HIF3A: variants seen among roughly 807,000 people sequenced by gnomAD.
HIF3A encodes the protein hypoxia-inducible factor 3-alpha.
A neutral mutation model predicts 67.2 loss-of-function variants in HIF3A; 41 were observed. The ratio of observed to expected loss-of-function variants is 0.61; its 90% CI spans 0.48 to 0.79. HIF3A has a LOEUF of 0.79. Among genes scored for constraint, HIF3A ranks in the 30% least tolerant of loss-of-function variants. The pLI is 0.00. For missense variants in HIF3A, 855 were observed against 898.0 expected (o/e 0.95, Z 0.61); for synonymous variants, 356 against 374.8 (o/e 0.95, Z 0.58).
chr19:46,310,118 G>A (rs781231070), intron 6 of HIF3A, among the ~76,000 whole-genome samples: 11 of 152,152 alleles, frequency 7.2e-5, no homozygotes, highest in Non-Finnish European at 1.3e-4. Context: ...CCAGCTACTC[G>A]AGAGGCTGAG....
At chr19:46,321,303 G>T (rs1240595824) in intron 9 of HIF3A, among the ~76,000 whole-genome samples, 10 of 152,302 alleles carry the variant, frequency 6.6e-5, no homozygotes, top group South Asian at 2.1e-4. Flanking sequence ...TCACACCTGG[G>T]CTGGGAGCAG....
chr19:46,316,299 G>A (rs1969909074), intron 8 of HIF3A, among the ~76,000 whole-genome samples: 1 of 152,204 alleles, frequency 6.6e-6, no homozygotes, highest in Non-Finnish European at 1.5e-5. Context: ...ATTCCCATCA[G>A]TAACGTATGG....
intron 11 of HIF3A, among the ~76,000 whole-genome samples, chr19:46,325,878 G>A (rs914126607): frequency 2.0e-5 from 3 of 152,184 alleles, no homozygotes; most frequent in African/African-American, 7.2e-5. Context: ...ATAGCTGGAT[G>A]AAAAATGGAT....
rs1389768023 is a variant in HIF3A at position 46,342,333 on chromosome 19, A to G, written c.*2711A>G. On this transcript the variant is annotated 3_prime_UTR_variant, in exon 15 of 15. Coordinates refer to ENST00000377670, the MANE Select transcript of HIF3A (RefSeq NM_152795.4). ...CACCCTCAACTCCTTCTGATTCTAGATCTTATGGTTCCCAAATCTCTCTGG... is the reference window on the plus strand; with the variant it reads ...CACCCTCAACTCCTTCTGATTCTAGGTCTTATGGTTCCCAAATCTCTCTGG... 1.3e-5 allele frequency: 2 copies of G among 151,698 alleles called. No individual in the cohort carries two copies. The highest frequency in any genetic ancestry group is 4.8e-5 in the African/African-American group (2 of 41,260). The allele number at this position is 151,698 out of a possible 1,614,324, so 9.4% of individuals were successfully genotyped here.
intron 11 of HIF3A, among the ~76,000 whole-genome samples, chr19:46,326,750 C>T (rs1400267162): frequency 6.6e-6 from 1 of 152,122 alleles, no homozygotes; most frequent in Non-Finnish European, 1.5e-5. Flanking sequence ...CAGGAATAGA[C>T]ACTACTATTC....
intron 6 of HIF3A, chr19:46,310,523 G>A (rs920963747): frequency 1.0e-4 from 45 of 437,028 alleles, no homozygotes; most frequent in Admixed American, 5.9e-4. Flanking sequence ...CTTATCCCTC[G>A]CCCTGGTGTC....
rs1296126607 is a variant in HIF3A, at chr19:46,309,274, C to G, written c.685C>G (p.Pro229Ala). The G allele has an allele frequency of 6.2e-7, 1 of 1,613,826 alleles. No individual in the cohort carries two copies. Among genetic ancestry groups the G allele is most frequent in the Admixed American group, 1.7e-5 (1 of 59,988 alleles). The change falls in exon 6 of 15, where the codon CCA becomes GCA. Residue 229 changes from proline (P) to alanine (A), a missense_variant. This residue lies in a region of HIF3A where 638 missense variants were observed against 660.5 expected (regional missense o/e 0.97). Transcript: ENST00000377670. ...LVLICEAIPH[P>A]GSLEPPLGRG... The stretch of plus-strand genomic sequence containing the variant: ...GCTCATCTGCGAAGCCATCCCCCAC[C>G]CAGGCAGCCTGGAGCCCCCACTGGG...
intron 1 of HIF3A, among the ~76,000 whole-genome samples, chr19:46,299,666 G>A (rs902162406): frequency 7.0e-6 from 1 of 143,596 alleles, no homozygotes; most frequent in Non-Finnish European, 1.5e-5. Flanking sequence ...GCCAAGATCA[G>A]GCCACTGCAC....
At chr19:46,336,899 A>C (rs1178670385) in intron 14 of HIF3A, among the ~76,000 whole-genome samples, 1 of 152,188 alleles carries the variant, frequency 6.6e-6, no homozygotes, top group Admixed American at 6.5e-5. Flanking sequence ...AGACAGGAGA[A>C]TCACTTGAGC....
chr19:46,328,847 A>C (rs894164831), intron 11 of HIF3A, among the ~76,000 whole-genome samples: 1 of 152,070 alleles, frequency 6.6e-6, no homozygotes, highest in Non-Finnish European at 1.5e-5. Flanking sequence ...CAGCCTCCTG[A>C]GTAATTAGAA....
chr19:46,324,947 T>C (rs1174840811), intron 10 of HIF3A, among the ~76,000 whole-genome samples: 3 of 141,850 alleles, frequency 2.1e-5, no homozygotes, highest in Middle Eastern at 3.4e-3. Context: ...TATATACATA[T>C]ATATATATAT....
At chr19:46,303,488 C>CCT (rs1968512351) in intron 1 of HIF3A, 1 of 728,476 alleles carries the variant, frequency 1.4e-6, no homozygotes, top group African/African-American at 1.8e-5. Flanking sequence ...AGGCTGTAGG[C>CCT]CTCTCCTTCG....
chr19:46,334,874 T>C (rs560962430), intron 13 of HIF3A, 31 bp from the exon 14 acceptor site: 2 of 1,561,774 alleles, frequency 1.3e-6, no homozygotes, highest in South Asian at 2.3e-5. Context: ...ATGATGATGA[T>C]GATGGTGGTG....
At chr19:46,322,363 T>C (rs998452563) in intron 10 of HIF3A, among the ~76,000 whole-genome samples, 1 of 152,098 alleles carries the variant, frequency 6.6e-6, no homozygotes, top group Non-Finnish European at 1.5e-5. Context: ...ATTTCACAGG[T>C]TGGGCCTCAG....
In HIF3A at chr19:46,339,927, T is replaced by G. The variant is rs1030086953; in HGVS notation, c.*305T>G. The G allele has an allele frequency of 6.5e-6, 2 of 309,048 alleles. No individual in the cohort carries two copies. The highest frequency in any genetic ancestry group is 1.2e-5 in the Non-Finnish European group (2 of 169,314). The allele number at this position is 309,048 out of a possible 1,614,324, so 19.1% of individuals were successfully genotyped here. A position where few individuals can be genotyped will look rare whatever the true frequency, so the allele number is the denominator to read the frequency against. ...ACCTCATTATCCCTTTCTCTGCCTC[T>G]CTTGGCTTTATTTTGGGGAATCAGG... On this transcript the variant is annotated 3_prime_UTR_variant, in exon 15 of 15. Transcript: ENST00000377670.
chr19:46,306,077 G>A (rs974222964), intron 3 of HIF3A, among the ~76,000 whole-genome samples: 15 of 152,008 alleles, frequency 9.9e-5, no homozygotes, highest in South Asian at 2.1e-4. Flanking sequence ...AGACCCAGTC[G>A]CAAACAAACA....
intron 6 of HIF3A, among the ~76,000 whole-genome samples, chr19:46,311,195 T>G (rs968406685): frequency 1.3e-5 from 2 of 152,200 alleles, no homozygotes; most frequent in African/African-American, 4.8e-5. Context: ...CCACCCCTTC[T>G]CTTCCCTTGT....
At chr19:46,326,488 G>C (rs1450478837) in intron 11 of HIF3A, among the ~76,000 whole-genome samples, 1 of 152,064 alleles carries the variant, frequency 6.6e-6, no homozygotes, top group Non-Finnish European at 1.5e-5. Context: ...AAGAGGCAGG[G>C]ATCATTGGGA....
At chr19:46,334,625 G>A (rs1971480371) in intron 13 of HIF3A, among the ~76,000 whole-genome samples, 1 of 152,118 alleles carries the variant, frequency 6.6e-6, no homozygotes, top group South Asian at 2.1e-4. Context: ...ATAGCTCACT[G>A]CAACCTCAGC....
Sources: allele counts gnomAD v4.1 joint callset (sites outside exome capture counted in the v4.1 genomes callset), GRCh38; gene constraint gnomAD v4.1.1; regional missense constraint gnomAD v4.1.1; transcripts MANE v1.5; gene names NCBI Gene and HGNC (gene_info 2026-07-23, HGNC 2026-07-21).